Variants in NLGN1 observed in about 807,000 individuals in gnomAD.
NLGN1 encodes neuroligin 1.
In NLGN1, 12 loss-of-function variants were observed where a neutral mutation model predicts 65.5. That is an observed-to-expected ratio of 0.18 (90% CI 0.12 to 0.30). The LOEUF (loss-of-function observed/expected upper bound fraction) is 0.30. Among genes scored for constraint, NLGN1 ranks in the 10% least tolerant of loss-of-function variants. The probability of loss-of-function intolerance (pLI) is 1.00; values close to 1 mark genes in which losing one functional copy is unlikely to be tolerated. For missense variants in NLGN1, 750 were observed against 1,007.1 expected (o/e 0.74, Z 3.46); for synonymous variants, 350 against 359.5 (o/e 0.97, Z 0.30).
At chr3:173,600,227 G>A (rs1010949613) in intron 2 of NLGN1, among the ~76,000 whole-genome samples, 8 of 71,424 alleles carry the variant, frequency 1.1e-4, no homozygotes, top group East Asian at 6.1e-4. Flanking sequence ...ACACACACAC[G>A]TGTATGTCTT....
At chr3:174,208,185 G>T (rs1419073220) in intron 4 of NLGN1, among the ~76,000 whole-genome samples, 3 of 152,132 alleles carry the variant, frequency 2.0e-5, no homozygotes, top group Non-Finnish European at 4.4e-5. Flanking sequence ...CCAAATCAAA[G>T]CAGCAGTCTG....
rs1402914096 is a variant in NLGN1, at chr3:173,539,681, T to TATATGTATATATGTACATATATAAC, written c.-320-64597_-320-64596insTATGTATATATGTACATATATAACA. Among the ~76,000 whole-genome samples the TATATGTATATATGTACATATATAAC allele has an allele frequency of 9.6e-4, 95 of 98,792 alleles. 1 individual carries two copies. The highest frequency in any genetic ancestry group is 3.9e-3 in the Admixed American group (40 of 10,384). 64.8% of individuals were successfully genotyped at this position (98,792 alleles called of 152,430 possible). ...TGTGTATATATGCACATATATAACA[T>TATATGTATATATGTACATATATAAC]ACATATATGTACATATGCACATATA... is the stretch of plus-strand genomic sequence containing the variant. On this transcript the variant is annotated intron_variant, in intron 2 of 6. Transcript: ENST00000457714.
chr3:174,184,406 T>TA (rs1189455743), intron 4 of NLGN1, among the ~76,000 whole-genome samples: 4 of 152,164 alleles, frequency 2.6e-5, no homozygotes, highest in Admixed American at 2.6e-4. Flanking sequence ...ACTTCAGTAT[T>TA]ACATCAAATC....
intron 3 of NLGN1, among the ~76,000 whole-genome samples, chr3:173,637,615 C>T (rs1756796095): frequency 6.6e-6 from 1 of 152,098 alleles, no homozygotes; most frequent in South Asian, 2.1e-4. Flanking sequence ...CATTATTTTA[C>T]AGCTAGGATA....
At chr3:173,586,558 T>G (rs746139957) in intron 2 of NLGN1, among the ~76,000 whole-genome samples, 1 of 152,214 alleles carries the variant, frequency 6.6e-6, no homozygotes, top group Non-Finnish European at 1.5e-5. Flanking sequence ...TAGCAAAATA[T>G]AAAACTTTTG....
intron 4 of NLGN1, among the ~76,000 whole-genome samples, chr3:173,905,544 G>A (rs567109722): frequency 2.4e-4 from 36 of 152,260 alleles, no homozygotes; most frequent in Non-Finnish European, 4.0e-4. Flanking sequence ...TAAGAGAGAA[G>A]AGAGACCTCT....
At chr3:173,890,929 G>C (rs1421365044) in intron 4 of NLGN1, among the ~76,000 whole-genome samples, 1 of 152,172 alleles carries the variant, frequency 6.6e-6, no homozygotes, top group Non-Finnish European at 1.5e-5. Context: ...AAAAAAGCTA[G>C]AAGGAAATTA....
intron 4 of NLGN1, among the ~76,000 whole-genome samples, chr3:174,003,008 A>G (rs1429550803): frequency 6.6e-6 from 1 of 152,200 alleles, no homozygotes; most frequent in Non-Finnish European, 1.5e-5. Flanking sequence ...TGCAGAAAAG[A>G]GTTGAGAATC....
intron 4 of NLGN1, among the ~76,000 whole-genome samples, chr3:173,986,709 A>G (rs1720020053): frequency 6.6e-6 from 1 of 152,158 alleles, no homozygotes; most frequent in African/African-American, 2.4e-5. Context: ...TAGCAAACTA[A>G]TACAGCGTCT....
intron 4 of NLGN1, among the ~76,000 whole-genome samples, chr3:173,961,150 G>A (rs9880079): frequency 0.28 from 41,769 of 151,698 alleles, 6,397 homozygotes; most frequent in African/African-American, 0.4. Flanking sequence ...TACTTTCCTC[G>A]GAAACATGAA....
chr3:173,451,761 G>A (rs957473099), intron 2 of NLGN1, among the ~76,000 whole-genome samples: 2 of 152,168 alleles, frequency 1.3e-5, no homozygotes, highest in Non-Finnish European at 2.9e-5. Flanking sequence ...GGGTAATGGC[G>A]GGTGCCCCTC....
intron 2 of NLGN1, among the ~76,000 whole-genome samples, chr3:173,513,294 G>A (rs1271721756): frequency 2.0e-5 from 3 of 151,996 alleles, no homozygotes; most frequent in East Asian, 1.9e-4. Context: ...ACAAAAGAAC[G>A]GGTATGCCCC....
chr3:174,274,542 T>C (rs1007958222), intron 4 of NLGN1, among the ~76,000 whole-genome samples: 1 of 151,748 alleles, frequency 6.6e-6, no homozygotes, highest in African/African-American at 2.4e-5. Flanking sequence ...ATTTTCAGAT[T>C]CACCTCATTT....
At position 174,053,525 on chromosome 3, in the gene NLGN1, C is replaced by G. The variant is rs535745421; in HGVS notation, c.647-221790C>G. Among the ~76,000 whole-genome samples, 4 of 152,004 alleles carry G rather than the reference C, an allele frequency of 2.6e-5. 1 individual carries two copies. In the East Asian group the frequency reaches 7.8e-4, roughly 29 times the overall value. On this transcript the variant is annotated intron_variant, in intron 4 of 6. Transcript: ENST00000457714. ...TTAGTTTGAAACTGTTACAAATAAA[C>G]ATTTGTATACTTTTAAAATTATTGT...
intron 2 of NLGN1, among the ~76,000 whole-genome samples, chr3:173,554,399 T>C (rs1455192021): frequency 7.2e-5 from 11 of 152,182 alleles, no homozygotes; most frequent in Non-Finnish European, 1.6e-4. Context: ...AAATACCCAC[T>C]GTAGAGTATT....
At chr3:173,898,186 G>A (rs1407064696) in intron 4 of NLGN1, among the ~76,000 whole-genome samples, 1 of 152,138 alleles carries the variant, frequency 6.6e-6, no homozygotes, top group Non-Finnish European at 1.5e-5. Context: ...TCCTGAAGAT[G>A]TGCTTTAAAT....
At chr3:174,023,516 G>A (rs1201647712) in intron 4 of NLGN1, among the ~76,000 whole-genome samples, 2 of 152,114 alleles carry the variant, frequency 1.3e-5, no homozygotes, top group African/African-American at 2.4e-5. Flanking sequence ...ATCTCAAGGG[G>A]ATTAATTCCC....
intron 1 of NLGN1, among the ~76,000 whole-genome samples, chr3:173,426,251 A>G (rs1375324372): frequency 6.6e-6 from 1 of 152,060 alleles, no homozygotes; most frequent in Non-Finnish European, 1.5e-5. Flanking sequence ...AGGTTTTTCT[A>G]AGTATAAGAT....
intron 4 of NLGN1, among the ~76,000 whole-genome samples, chr3:174,142,330 C>A (rs1015724685): frequency 6.6e-6 from 1 of 152,060 alleles, no homozygotes; most frequent in African/African-American, 2.4e-5. Flanking sequence ...TCTTGATTGG[C>A]ATTTAGTTTG....
Sources: gnomAD v4.1 joint callset for allele counts (sites outside exome capture counted in the v4.1 genomes callset) on GRCh38, gnomAD v4.1.1 for gene constraint, MANE v1.5 for transcripts, NCBI Gene and HGNC (gene_info 2026-07-23, HGNC 2026-07-21) for gene names.